Variants in TBC1D20 observed in about 807,000 individuals in gnomAD.
The protein encoded by TBC1D20 is chromosome 20 open reading frame 140.
Under a neutral mutation model 41.6 loss-of-function variants are expected in TBC1D20, and 12 were observed. That is an observed-to-expected ratio of 0.29 (90% CI 0.18 to 0.47). The LOEUF (loss-of-function observed/expected upper bound fraction) is 0.47. TBC1D20 is among the 20% of genes least tolerant of loss of function. TBC1D20 has a pLI of 1.00. For synonymous variants in TBC1D20, 205 were observed against 204.8 expected, an observed-to-expected ratio of 1.00 and a Z score of -0.01; for missense variants, 421 against 517.4, an observed-to-expected ratio of 0.81 and a Z score of 1.81.
At chr20:458,029 T>C (rs1406904602) in intron 1 of TBC1D20, among the ~76,000 whole-genome samples, 1 of 152,204 alleles carries the variant, frequency 6.6e-6, no homozygotes, top group Admixed American at 6.5e-5. Flanking sequence ...TGAATACTGC[T>C]TGAGGGAAGC....
chr20:435,757 T>G lies in TBC1D20; in HGVS notation c.*2829A>C, dbSNP rs1177958078. Reference sequence around the variant, plus strand: ...CTGAAGCATGGCAGCTGTGTTGAGATGAAACTGGACAAAAAGCATAAGGTC... The same window carrying G: ...CTGAAGCATGGCAGCTGTGTTGAGAGGAAACTGGACAAAAAGCATAAGGTC... On this transcript the variant is annotated 3_prime_UTR_variant, in exon 8 of 8. Transcript: ENST00000354200. 6.6e-6 allele frequency: 1 copy of G among 152,506 alleles called. No homozygotes were observed. The allele number at this position is 152,506 out of a possible 1,614,324, so 9.4% of individuals were successfully genotyped here.
chr20:452,271 C>CA (rs2017458477), intron 1 of TBC1D20, among the ~76,000 whole-genome samples: 1 of 152,178 alleles, frequency 6.6e-6, no homozygotes, highest in Non-Finnish European at 1.5e-5. Context: ...CGCACAACTG[C>CA]ACTCCAGCCT....
At chr20:443,559 T>G (rs2122390889) in intron 3 of TBC1D20, among the ~76,000 whole-genome samples, 1 of 152,256 alleles carries the variant, frequency 6.6e-6, no homozygotes, top group African/African-American at 2.4e-5. Context: ...CTCTTGCCCA[T>G]ATTTACCCCA....
intron 1 of TBC1D20, among the ~76,000 whole-genome samples, chr20:453,888 T>C (rs1218662570): frequency 1.4e-5 from 2 of 141,582 alleles, no homozygotes; most frequent in East Asian, 4.5e-4. Flanking sequence ...GATGGATCAC[T>C]GAGGTCAGGA....
rs565525159 is a variant in TBC1D20, at chr20:436,292, A to G, written c.*2294T>C. Reference sequence around the variant, plus strand: ...ATGACAGAAGAGGTGATTAGTAACCACATATGGCTGTTTATTTGATACAGG... The same window carrying G: ...ATGACAGAAGAGGTGATTAGTAACCGCATATGGCTGTTTATTTGATACAGG... On this transcript the variant is annotated 3_prime_UTR_variant, in exon 8 of 8. Transcript: ENST00000354200. The G allele has an allele frequency of 2.0e-5, 3 of 152,380 alleles. No individual in the cohort carries two copies. The highest frequency in any genetic ancestry group is 6.5e-5 in the Admixed American group (1 of 15,308). 9.4% of individuals were successfully genotyped at this position (152,380 alleles called of 1,614,324 possible).
At position 438,461 on chromosome 20, in the gene TBC1D20, C is replaced by T; in HGVS notation, c.*125G>A. On this transcript the variant is annotated 3_prime_UTR_variant, in exon 8 of 8. Transcript: ENST00000354200. ...TAAAGGCAAACACAAACGGGCAGGG[C>T]AGGGTGGCAGGAATAAAAAACTCTG... 4 of 1,151,536 alleles carry T rather than the reference C, an allele frequency of 3.5e-6. No individual in the cohort carries two copies. Among genetic ancestry groups the T allele is most frequent in the Non-Finnish European group, 4.9e-6 (4 of 814,346 alleles). The allele number at this position is 1,151,536 out of a possible 1,614,324, so 71.3% of individuals were successfully genotyped here.
rs374594473 is a variant in TBC1D20 at position 441,974 on chromosome 20, C to T, written c.407G>A (p.Arg136His). ...LIDIILLILE[R>H]NPQLHYYQGY... is the part of the protein sequence containing the mutation. ...CTGGTAGTAGTGCAGCTGAGGGTTGCGCTCCAAGATGAGGAGGATGATGTC... is the reference window on the plus strand; with the variant it reads ...CTGGTAGTAGTGCAGCTGAGGGTTGTGCTCCAAGATGAGGAGGATGATGTC... Residue 136 changes from arginine to histidine, a missense_variant, in exon 4 of 8, where the codon CGC becomes CAC. Transcript: ENST00000354200. The T allele has an allele frequency of 5.0e-5, 80 of 1,613,904 alleles. No individual in the cohort carries two copies. In the African/African-American group the frequency reaches 7.3e-4, roughly 15 times the overall value.
In TBC1D20 at chr20:436,672, G is replaced by A. The variant is rs771822534; in HGVS notation, c.*1914C>T. ...CTTTGGGAGAGCACTGGGAATATCT[G>A]CCGCATCATCACCTCTGGAAGAATT... On this transcript the variant is annotated 3_prime_UTR_variant, in exon 8 of 8. Transcript: ENST00000354200. The A allele has an allele frequency of 6.5e-6, 1 of 153,686 alleles. No individual in the cohort carries two copies. The highest frequency in any genetic ancestry group is 1.5e-5 in the Non-Finnish European group (1 of 68,044). The allele number at this position is 153,686 out of a possible 1,614,324, so 9.5% of individuals were successfully genotyped here. A position where few individuals can be genotyped will look rare whatever the true frequency, so the allele number is the denominator to read the frequency against.
intron 6 of TBC1D20, 81 bp downstream of exon 6, chr20:440,167 C>T (rs1031205873): frequency 6.5e-7 from 1 of 1,527,788 alleles, no homozygotes; most frequent in Non-Finnish European, 8.8e-7. Flanking sequence ...TTCCATAATC[C>T]CCAGGTTTCC....
In TBC1D20 at chr20:445,094, T is replaced by C. The variant is rs1223941718; in HGVS notation, c.293A>G (p.Gln98Arg). The change falls in exon 3 of 8, where the codon CAA becomes CGA. Residue 98 changes from glutamine (Q) to arginine (R), a missense_variant. By Grantham distance (43) the Gln-to-Arg change is conservative (BLOSUM62 1). Transcript: ENST00000354200. Reference sequence around the variant, plus strand: ...TGACCGCCGGACGTCCAGCAACACTTGTTGGTAGTCCTTGCTCATCTGCCG... The same window carrying C: ...TGACCGCCGGACGTCCAGCAACACTCGTTGGTAGTCCTTGCTCATCTGCCG... ...NLRQMSKDYQ[Q>R]VLLDVRRSLR... is the part of the protein sequence containing the mutation. The C allele has an allele frequency of 6.2e-7, 1 of 1,605,670 alleles. No individual in the cohort carries two copies. The highest frequency in any genetic ancestry group is 8.5e-7 in the Non-Finnish European group (1 of 1,174,924).
intron 1 of TBC1D20, among the ~76,000 whole-genome samples, chr20:449,084 A>T (rs1462715086): frequency 2.0e-5 from 3 of 147,258 alleles, no homozygotes; most frequent in Non-Finnish European, 4.5e-5. Context: ...TGACGTCGTG[A>T]TCCTCCTGCC....
At chr20:448,187 C>CT in intron 1 of TBC1D20, 113 bp from the exon 2 acceptor site, 2 of 656,750 alleles carry the variant, frequency 3.0e-6, no homozygotes, top group South Asian at 4.2e-5. Context: ...CCTCTTAGCT[C>CT]TAAGACTGCC....
chr20:448,339 T>G (rs2017376444), intron 1 of TBC1D20, among the ~76,000 whole-genome samples: 1 of 151,824 alleles, frequency 6.6e-6, no homozygotes, highest in African/African-American at 2.4e-5. Context: ...TTTTTATAGG[T>G]CTGAACCAAA....
At chr20:441,284 C>T (rs1035645523) in intron 5 of TBC1D20, 9 of 304,348 alleles carry the variant, frequency 3.0e-5, no homozygotes, top group Non-Finnish European at 5.5e-5. Context: ...CTGGATCCCA[C>T]AGGACTTTGT....
chr20:443,704 G>A (rs1024782888), intron 3 of TBC1D20, among the ~76,000 whole-genome samples: 6 of 152,172 alleles, frequency 3.9e-5, no homozygotes, highest in African/African-American at 1.4e-4. Flanking sequence ...CAGAAAAGCA[G>A]TGAGCCAAGC....
At chr20:451,228 T>C (rs1468556601) in intron 1 of TBC1D20, among the ~76,000 whole-genome samples, 1 of 152,188 alleles carries the variant, frequency 6.6e-6, no homozygotes, top group Non-Finnish European at 1.5e-5. Context: ...TGAACATCCT[T>C]GCAGTGTAAG....
In TBC1D20 at chr20:453,450, T is replaced by C. The variant is rs548814259; in HGVS notation, c.71-5376A>G. ...GATCATGCTATATGCCACTGCACTCTAGCCTGGGCGACAAGAGCGAAACTC... is the reference window on the plus strand; with the variant it reads ...GATCATGCTATATGCCACTGCACTCCAGCCTGGGCGACAAGAGCGAAACTC... On this transcript the variant is annotated intron_variant, in intron 1 of 7. Transcript: ENST00000354200. 3.1e-4 allele frequency among the ~76,000 whole-genome samples: 42 copies of C among 136,636 alleles called. 2 individuals carry two copies. In the Middle Eastern group the frequency reaches 0.014, roughly 44 times the overall value. The allele number at this position is 136,636 out of a possible 152,430, so 89.6% of individuals were successfully genotyped here. A position where few individuals can be genotyped will look rare whatever the true frequency, so the allele number is the denominator to read the frequency against.
chr20:442,159 T>C, intron 3 of TBC1D20, 116 bp from the exon 4 acceptor site: 1 of 972,804 alleles, frequency 1.0e-6, no homozygotes, highest in Non-Finnish European at 1.5e-6. Flanking sequence ...TACAAATAAT[T>C]TGGCAACGCA....
At chr20:452,509 C>A (rs1353371330) in intron 1 of TBC1D20, among the ~76,000 whole-genome samples, 1 of 152,080 alleles carries the variant, frequency 6.6e-6, no homozygotes, top group Non-Finnish European at 1.5e-5. Context: ...CCCAGCTACT[C>A]AGGAGGCTGG....
Sources: gnomAD v4.1 joint callset for allele counts (sites outside exome capture counted in the v4.1 genomes callset) on GRCh38, gnomAD v4.1.1 for gene constraint, MANE v1.5 for transcripts, NCBI Gene and HGNC (gene_info 2026-07-23, HGNC 2026-07-21) for gene names.